Variants in PLCXD3 observed in about 807,000 individuals in gnomAD.
The protein encoded by PLCXD3 is PI-PLC X domain-containing protein 3.
Under a neutral mutation model 25.5 loss-of-function variants are expected in PLCXD3, and 19 were observed. That is an observed-to-expected ratio of 0.75 (90% confidence interval 0.52 to 1.09). The LOEUF (loss-of-function observed/expected upper bound fraction) is 1.09. PLCXD3 is among the 50% of genes least tolerant of loss of function. The pLI is 0.00. For synonymous variants in PLCXD3, 174 were observed against 137.6 expected, an observed-to-expected ratio of 1.26 and a Z score of -1.85; for missense variants, 411 against 388.1, an observed-to-expected ratio of 1.06 and a Z score of -0.50.
intron 1 of PLCXD3, among the ~76,000 whole-genome samples, chr5:41,408,603 T>C (rs1010942368): frequency 6.6e-6 from 1 of 152,134 alleles, no homozygotes; most frequent in African/African-American, 2.4e-5. Context: ...TATTAATAAG[T>C]TTTGTGATTA....
chr5:41,395,419 AG>A (rs1204076745), intron 1 of PLCXD3, among the ~76,000 whole-genome samples: 6 of 152,102 alleles, frequency 3.9e-5, no homozygotes, highest in African/African-American at 1.4e-4. Context: ...GAACTAGAAA[AG>A]TATGAAAAAA....
At chr5:41,313,896 G>T in intron 2 of PLCXD3, 126 bp from the exon 3 acceptor site, 1 of 1,156,146 alleles carries the variant, frequency 8.6e-7, no homozygotes, top group Non-Finnish European at 1.2e-6. Context: ...GGTACAGGAA[G>T]GGGAAAAGGC....
chr5:41,438,046 G>GA (rs1470463322), intron 1 of PLCXD3, among the ~76,000 whole-genome samples: 1 of 152,072 alleles, frequency 6.6e-6, no homozygotes. Flanking sequence ...ACTTACTTGG[G>GA]AAAAAATTCC....
chr5:41,356,464 G>A (rs1379659242), intron 2 of PLCXD3, among the ~76,000 whole-genome samples: 3 of 151,824 alleles, frequency 2.0e-5, no homozygotes, highest in Non-Finnish European at 2.9e-5. Flanking sequence ...TAGGAGTGTA[G>A]GCATCATAAA....
chr5:41,452,434 G>A (rs923893312), intron 1 of PLCXD3, among the ~76,000 whole-genome samples: 2 of 151,982 alleles, frequency 1.3e-5, no homozygotes, highest in Non-Finnish European at 2.9e-5. Flanking sequence ...ATCCAGGGAA[G>A]CCCCTAAAAT....
In PLCXD3 at chr5:41,382,044, T is replaced by C. The variant is rs765453218; in HGVS notation, c.594A>G (p.Pro198=). ...DYQVLVFYHS[P]VALEVPFLWP... Reference sequence around the variant, plus strand: ...AGAGAAAGGGCACTTCCAGAGCCACTGGACTATGGTAGAAGACCAGCACTT... The same window carrying C: ...AGAGAAAGGGCACTTCCAGAGCCACCGGACTATGGTAGAAGACCAGCACTT... The change falls in exon 2 of 3, where the codon CCA becomes CCG. Residue 198 remains proline (P), a synonymous_variant. Coordinates refer to ENST00000377801, the MANE Select transcript of PLCXD3 (RefSeq NM_001005473.3). 2 of 1,613,666 alleles carry C rather than the reference T, an allele frequency of 1.2e-6. No individual in the cohort carries two copies. The highest frequency in any genetic ancestry group is 1.7e-4 in the Middle Eastern group (1 of 6,052).
chr5:41,415,821 G>A (rs932584293), intron 1 of PLCXD3, among the ~76,000 whole-genome samples: 7 of 152,122 alleles, frequency 4.6e-5, no homozygotes, highest in Non-Finnish European at 1.0e-4. Context: ...CAGTGTATCT[G>A]TCAAAGTGTT....
At position 41,491,127 on chromosome 5, in the gene PLCXD3, A is replaced by ATG. The variant is rs1748658769; in HGVS notation, c.103+19295_103+19296dup. 4.6e-5 allele frequency among the ~76,000 whole-genome samples: 7 copies of ATG among 152,202 alleles called. No homozygotes were observed. In the East Asian group the frequency reaches 7.7e-4, roughly 17 times the overall value. On this transcript the variant is annotated intron_variant, in intron 1 of 2. Coordinates refer to ENST00000377801, the MANE Select transcript of PLCXD3 (RefSeq NM_001005473.3). ...TTGAATGTGTCCCAGAGATTGTGGC[A>ATG]TGTTGTGTCTTTGTTCTCATTGGTT...
chr5:41,427,571 G>T (rs1746991105), intron 1 of PLCXD3, among the ~76,000 whole-genome samples: 1 of 152,052 alleles, frequency 6.6e-6, no homozygotes, highest in Non-Finnish European at 1.5e-5. Flanking sequence ...TTCAAGTTTT[G>T]TGGTTGCTAA....
chr5:41,502,690 C>T (rs539817122), intron 1 of PLCXD3, among the ~76,000 whole-genome samples: 29 of 152,230 alleles, frequency 1.9e-4, no homozygotes, highest in Middle Eastern at 3.4e-3. Flanking sequence ...ACCCAAACCG[C>T]GTAATTTCTC....
intron 2 of PLCXD3, among the ~76,000 whole-genome samples, chr5:41,362,845 T>C (rs1744826754): frequency 6.6e-6 from 1 of 150,466 alleles, no homozygotes; most frequent in Non-Finnish European, 1.5e-5. Flanking sequence ...CATTCTTTAA[T>C]AATCAACTAC....
intron 1 of PLCXD3, among the ~76,000 whole-genome samples, chr5:41,476,307 A>C (rs1350840612): frequency 1.3e-5 from 2 of 152,216 alleles, no homozygotes; most frequent in Non-Finnish European, 2.9e-5. Context: ...TGGCATCTAA[A>C]AACTTGAATT....
intron 1 of PLCXD3, chr5:41,475,561 T>G (rs1748263777): frequency 1.9e-6 from 1 of 525,582 alleles, no homozygotes; most frequent in East Asian, 5.5e-5. Context: ...TATTTATCCC[T>G]ACTTATCTCT....
chr5:41,411,977 C>T, intron 1 of PLCXD3, among the ~76,000 whole-genome samples: 3 of 144,492 alleles, frequency 2.1e-5, no homozygotes, highest in Non-Finnish European at 3.0e-5. Context: ...TATATGTATC[C>T]ATATATATCC....
intron 1 of PLCXD3, among the ~76,000 whole-genome samples, chr5:41,414,794 T>C (rs565590433): frequency 2.6e-4 from 39 of 152,336 alleles, no homozygotes; most frequent in Non-Finnish European, 1.3e-4. Flanking sequence ...GTCATCCCTT[T>C]GTCCAGTGTA....
chr5:41,502,004 A>G (rs1013620378), intron 1 of PLCXD3, among the ~76,000 whole-genome samples: 6 of 152,162 alleles, frequency 3.9e-5, no homozygotes, highest in African/African-American at 9.7e-5. Context: ...CAGGTGTGGT[A>G]ACAAATTTTT....
intron 2 of PLCXD3, among the ~76,000 whole-genome samples, chr5:41,336,885 C>A (rs959671442): frequency 2.6e-5 from 4 of 152,172 alleles, no homozygotes; most frequent in Middle Eastern, 3.4e-3. Flanking sequence ...CAAGAGAATT[C>A]GAGAGTAAAC....
intron 1 of PLCXD3, among the ~76,000 whole-genome samples, chr5:41,402,976 A>G (rs1473848145): frequency 1.3e-5 from 2 of 152,096 alleles, no homozygotes; most frequent in African/African-American, 4.8e-5. Flanking sequence ...TTTGAATTCA[A>G]TTGTAATCCA....
At chr5:41,359,393 G>C (rs1354053683) in intron 2 of PLCXD3, among the ~76,000 whole-genome samples, 1 of 152,008 alleles carries the variant, frequency 6.6e-6, no homozygotes, top group African/African-American at 2.4e-5. Flanking sequence ...CAACCTTGCT[G>C]TTTGTTATTG....
Sources: allele counts gnomAD v4.1 joint callset (sites outside exome capture counted in the v4.1 genomes callset), GRCh38; gene constraint gnomAD v4.1.1; transcripts MANE v1.5; gene names NCBI Gene and HGNC (gene_info 2026-07-23, HGNC 2026-07-21).